ATP2B2: variants seen among roughly 807,000 people sequenced by gnomAD.
The protein encoded by ATP2B2 is plasma membrane calcium-transporting ATPase 2.
A neutral mutation model predicts 120.0 loss-of-function variants in ATP2B2; 15 were observed. That is an observed-to-expected ratio of 0.12 (90% CI 0.08 to 0.19). ATP2B2 has a LOEUF of 0.19. Ranked by LOEUF, ATP2B2 falls within the 10% of genes least tolerant of loss-of-function variation. ATP2B2 has a pLI of 1.00. For missense variants in ATP2B2, 1,045 were observed against 1,719.8 expected, an observed-to-expected ratio of 0.61 and a Z score of 6.94; for synonymous variants, 694 against 700.3, an observed-to-expected ratio of 0.99 and a Z score of 0.14.
chr3:10,684,845 T>A (rs921455530), intron 1 of ATP2B2, among the ~76,000 whole-genome samples: 9 of 152,202 alleles, frequency 5.9e-5, no homozygotes, highest in Non-Finnish European at 1.0e-4. Flanking sequence ...TGGATGGCTA[T>A]TTTACTCGAG....
chr3:10,452,530 C>T (rs753730886), intron 1 of ATP2B2, among the ~76,000 whole-genome samples: 1 of 152,116 alleles, frequency 6.6e-6, no homozygotes, highest in Non-Finnish European at 1.5e-5. Flanking sequence ...GGTGTATGTT[C>T]AGGAAGCTGG....
At chr3:10,640,626 C>A (rs1438162363) in intron 1 of ATP2B2, among the ~76,000 whole-genome samples, 1 of 152,164 alleles carries the variant, frequency 6.6e-6, no homozygotes, top group Non-Finnish European at 1.5e-5. Flanking sequence ...TCCCAGAAAG[C>A]TTCTGGAGGA....
chr3:10,426,241 A>T (rs907237582), intron 2 of ATP2B2, among the ~76,000 whole-genome samples: 1 of 151,980 alleles, frequency 6.6e-6, no homozygotes, highest in Non-Finnish European at 1.5e-5. Flanking sequence ...TTTCCTTTTA[A>T]TCATTATTTT....
intron 2 of ATP2B2, among the ~76,000 whole-genome samples, chr3:10,432,724 C>T (rs1369849963): frequency 6.6e-6 from 1 of 152,242 alleles, no homozygotes; most frequent in African/African-American, 2.4e-5. Flanking sequence ...ATCATAGCCC[C>T]TCTGGGCTTA....
chr3:10,398,903 C>T (rs756430099), intron 5 of ATP2B2, among the ~76,000 whole-genome samples: 2 of 152,288 alleles, frequency 1.3e-5, no homozygotes, highest in Admixed American at 6.5e-5. Flanking sequence ...GCCCCTGCTC[C>T]GAGACCCGGC....
intron 2 of ATP2B2, among the ~76,000 whole-genome samples, chr3:10,419,267 A>G (rs2062892034): frequency 6.6e-6 from 1 of 152,154 alleles, no homozygotes; most frequent in South Asian, 2.1e-4. Flanking sequence ...TGGACTTGGG[A>G]CAGACAGACA....
chr3:10,601,784 A>G (rs556404792), intron 2 of ATP2B2, among the ~76,000 whole-genome samples: 1 of 152,246 alleles, frequency 6.6e-6, no homozygotes. Context: ...ACACCTTAGA[A>G]CTTGGGCAGG....
Position 10,350,413 on chromosome 3 carries a change from G to C in ATP2B2, c.2301C>G (p.Arg767=). Residue 767 remains arginine, a synonymous_variant, in exon 15 of 23, where the codon CGC becomes CGG. Transcript: ENST00000360273. Reference sequence around the variant, plus strand: ...GGACACGCACCTCCCCCTTCTCGTTGCGGATCCTCCTGTTGAACTCCTTGC... The same window carrying C: ...GGACACGCACCTCCCCCTTCTCGTTCCGGATCCTCCTGTTGAACTCCTTGC... The part of the protein sequence containing the change: ...LEGKEFNRRI[R]NEKGEIEQER... 6.2e-7 allele frequency: 1 copy of C among 1,614,216 alleles called. No homozygotes were observed. Among genetic ancestry groups the C allele is most frequent in the East Asian group, 2.2e-5 (1 of 44,890 alleles).
intron 1 of ATP2B2, among the ~76,000 whole-genome samples, chr3:10,486,658 C>T (rs1454670405): frequency 3.3e-5 from 5 of 152,050 alleles, no homozygotes; most frequent in Admixed American, 2.0e-4. Flanking sequence ...GGCAGGGAGC[C>T]CCTTCGATTC....
intron 1 of ATP2B2, among the ~76,000 whole-genome samples, chr3:10,624,682 G>A (rs917755926): frequency 5.3e-5 from 8 of 152,176 alleles, no homozygotes; most frequent in African/African-American, 1.9e-4. Context: ...CATCAGCCCT[G>A]GTGGAATGAA....
chr3:10,433,036 TG>T (rs765185845), intron 2 of ATP2B2, among the ~76,000 whole-genome samples: 7 of 152,140 alleles, frequency 4.6e-5, no homozygotes, highest in Non-Finnish European at 1.0e-4. Context: ...CTGCTAGGGC[TG>T]GGGTTTCAGA....
intron 12 of ATP2B2, among the ~76,000 whole-genome samples, chr3:10,365,851 A>ATG (rs2061038462): frequency 6.9e-6 from 1 of 145,984 alleles, no homozygotes; most frequent in African/African-American, 2.5e-5. Flanking sequence ...TGGGTGGTGT[A>ATG]TGTGTGGTGT....
intron 1 of ATP2B2, among the ~76,000 whole-genome samples, chr3:10,707,125 C>T (rs942122185): frequency 2.6e-5 from 4 of 152,170 alleles, no homozygotes; most frequent in African/African-American, 9.7e-5. Flanking sequence ...ACTGGCTCGT[C>T]CTGAGGGCCT....
At chr3:10,395,541 C>T (rs899218620) in intron 5 of ATP2B2, among the ~76,000 whole-genome samples, 3 of 152,210 alleles carry the variant, frequency 2.0e-5, no homozygotes, top group Non-Finnish European at 4.4e-5. Flanking sequence ...AGAGCAAAGA[C>T]GGCAAAAGGT....
intron 14 of ATP2B2, among the ~76,000 whole-genome samples, chr3:10,353,750 G>A (rs1040777699): frequency 2.6e-5 from 4 of 152,200 alleles, no homozygotes; most frequent in African/African-American, 7.2e-5. Context: ...TGAGAAAAAT[G>A]AAGCTAATTT....
At chr3:10,495,476 T>C (rs958816519) in intron 1 of ATP2B2, among the ~76,000 whole-genome samples, 15 of 152,182 alleles carry the variant, frequency 9.9e-5, no homozygotes, top group South Asian at 6.2e-4. Flanking sequence ...AAGGAAACTT[T>C]TGCACACGGA....
intron 1 of ATP2B2, among the ~76,000 whole-genome samples, chr3:10,702,554 G>C (rs2071834411): frequency 6.6e-6 from 1 of 152,182 alleles, no homozygotes; most frequent in South Asian, 2.1e-4. Flanking sequence ...ATGGAGCATC[G>C]CACAGGTGCA....
intron 12 of ATP2B2, among the ~76,000 whole-genome samples, chr3:10,368,908 C>T (rs960482671): frequency 6.6e-6 from 1 of 152,126 alleles, no homozygotes; most frequent in Non-Finnish European, 1.5e-5. Flanking sequence ...CATTCACTTA[C>T]ATCACCCATC....
intron 1 of ATP2B2, among the ~76,000 whole-genome samples, chr3:10,496,933 G>A (rs934174694): frequency 2.6e-5 from 4 of 152,072 alleles, no homozygotes; most frequent in East Asian, 1.9e-4. Context: ...CTGGACCAAC[G>A]GGCCAGCCAC....
Sources: gnomAD v4.1 joint callset for allele counts (sites outside exome capture counted in the v4.1 genomes callset) on GRCh38, gnomAD v4.1.1 for gene constraint, MANE v1.5 for transcripts, NCBI Gene and HGNC (gene_info 2026-07-23, HGNC 2026-07-21) for gene names.